The following MACROD2 variants were observed in gnomAD, a reference collection of about 807,000 sequenced individuals.
MACROD2 encodes mono-ADP ribosylhydrolase 2.
A neutral mutation model predicts 70.4 loss-of-function variants in MACROD2; 36 were observed. That is an observed-to-expected ratio of 0.51 (90% CI 0.39 to 0.68). The LOEUF is 0.68. Among genes scored for constraint, MACROD2 ranks in the 30% least tolerant of loss-of-function variants. The probability of loss-of-function intolerance (pLI) is 0.00; values close to 1 mark genes in which losing one functional copy is unlikely to be tolerated. For missense variants in MACROD2, 496 were observed against 538.4 expected (o/e 0.92, Z 0.78); for synonymous variants, 172 against 178.8 (o/e 0.96, Z 0.30).
At chr20:14,077,426 G>T (rs2053928664) in intron 2 of MACROD2, among the ~76,000 whole-genome samples, 1 of 152,188 alleles carries the variant, frequency 6.6e-6, no homozygotes, top group Non-Finnish European at 1.5e-5. Context: ...GCTAGTATGT[G>T]ACACAGTTTA....
rs554919929 is a variant in MACROD2 at position 15,950,243 on chromosome 20, A to G, written c.907+12699A>G. ...CATTAATATTTGAATTTAAAAATAA[A>G]TACTGTAATTTAAGAGTTTTTAAAA... On this transcript the variant is annotated intron_variant, in intron 12 of 17. Coordinates refer to ENST00000684519, the MANE Select transcript of MACROD2 (RefSeq NM_001351661.2). 2.0e-5 allele frequency among the ~76,000 whole-genome samples: 3 copies of G among 152,338 alleles called. No individual in the cohort carries two copies. The East Asian group carries it at 5.8e-4, about 29-fold the overall frequency.
chr20:15,126,252 G>A lies in MACROD2; in HGVS notation c.419-103688G>A, dbSNP rs184040730. ...TTGCTGGGTCACATAGTAATTTTAT[G>A]TTTAATTTTACAAGGAACCACTAAA... On this transcript the variant is annotated intron_variant, in intron 5 of 17. Coordinates refer to ENST00000684519, the MANE Select transcript of MACROD2 (RefSeq NM_001351661.2). 2.7e-5 allele frequency among the ~76,000 whole-genome samples: 4 copies of A among 150,352 alleles called. No individual in the cohort carries two copies. The East Asian group carries it at 5.9e-4, about 22-fold the overall frequency.
intron 10 of MACROD2, among the ~76,000 whole-genome samples, chr20:15,932,210 CCTCT>C (rs1415899565): frequency 2.6e-5 from 4 of 152,114 alleles, no homozygotes; most frequent in African/African-American, 9.7e-5. Flanking sequence ...ATCTTTTCTC[CCTCT>C]CTCCATGTGT....
At chr20:14,283,621 A>C (rs1378424479) in intron 3 of MACROD2, among the ~76,000 whole-genome samples, 1 of 152,170 alleles carries the variant, frequency 6.6e-6, no homozygotes, top group Non-Finnish European at 1.5e-5. Flanking sequence ...CATGAAATAA[A>C]AATTTGTTTT....
chr20:14,533,132 A>C (rs930149582), intron 4 of MACROD2, among the ~76,000 whole-genome samples: 6 of 151,014 alleles, frequency 4.0e-5, no homozygotes, highest in African/African-American at 1.2e-4. Context: ...GTCTACCTAA[A>C]GCCTGGAGGA....
intron 8 of MACROD2, among the ~76,000 whole-genome samples, chr20:15,788,720 G>A (rs1290454019): frequency 6.6e-6 from 1 of 152,126 alleles, no homozygotes; most frequent in Admixed American, 6.5e-5. Flanking sequence ...ATTTTAATAG[G>A]TATGCAGTCA....
In MACROD2 at chr20:14,218,917, G is replaced by C. The variant is rs114241626; in HGVS notation, c.271+133189G>C. 7.5e-3 allele frequency among the ~76,000 whole-genome samples: 1,147 copies of C among 152,288 alleles called. 17 individuals carry two copies. Among genetic ancestry groups the C allele is most frequent in the African/African-American group, 0.026 (1,061 of 41,554 alleles). On this transcript the variant is annotated intron_variant, in intron 3 of 17. Transcript: ENST00000684519. ...TGGGAAATCTGCTGTTAATCTGATAGGTGTTTCTTTATAGGTTACCTGGTC... is the reference window on the plus strand; with the variant it reads ...TGGGAAATCTGCTGTTAATCTGATACGTGTTTCTTTATAGGTTACCTGGTC...
chr20:14,208,886 G>T (rs1421200792), intron 3 of MACROD2, among the ~76,000 whole-genome samples: 1 of 152,194 alleles, frequency 6.6e-6, no homozygotes, highest in Non-Finnish European at 1.5e-5. Flanking sequence ...TCTCCTAAAA[G>T]TAGAAGAAAA....
At chr20:14,186,516 G>C (rs754949688) in intron 3 of MACROD2, among the ~76,000 whole-genome samples, 102 of 152,132 alleles carry the variant, frequency 6.7e-4, no homozygotes, top group Non-Finnish European at 1.1e-3. Flanking sequence ...ATGTAAATTT[G>C]TTCAGCCATT....
intron 6 of MACROD2, among the ~76,000 whole-genome samples, chr20:15,354,508 A>G (rs534896315): frequency 6.6e-6 from 1 of 152,322 alleles, no homozygotes; most frequent in East Asian, 1.9e-4. Flanking sequence ...AATAAACAAA[A>G]TACACTCATT....
chr20:14,468,746 G>A lies in MACROD2; in HGVS notation c.272-24733G>A, dbSNP rs141488860. Among the ~76,000 whole-genome samples the A allele has an allele frequency of 1.2e-3, 181 of 152,168 alleles. 2 individuals carry two copies. The highest frequency in any genetic ancestry group is 4.1e-3 in the African/African-American group (169 of 41,466). On this transcript the variant is annotated intron_variant, in intron 3 of 17. Coordinates refer to ENST00000684519, the MANE Select transcript of MACROD2 (RefSeq NM_001351661.2). ...AGGCTGGTCTTGAACTCTAGACCTT[G>A]TGATCCACCCGCCTTGGCCTCCCAA...
At chr20:15,198,897 C>T (rs778279314) in intron 5 of MACROD2, among the ~76,000 whole-genome samples, 9 of 151,842 alleles carry the variant, frequency 5.9e-5, no homozygotes, top group Non-Finnish European at 4.4e-5. Flanking sequence ...TGACTGGGTT[C>T]GAGTTTCATA....
At chr20:16,016,893 A>C (rs1310464275) in intron 15 of MACROD2, among the ~76,000 whole-genome samples, 1 of 152,184 alleles carries the variant, frequency 6.6e-6, no homozygotes, top group Admixed American at 6.5e-5. Flanking sequence ...TATCCCAAAC[A>C]TCCAATTCAT....
At position 13,995,687 on chromosome 20, in the gene MACROD2, C is replaced by CCA; in HGVS notation, c.-77_-76insCA. 1.7e-6 allele frequency: 2 copies of CCA among 1,164,990 alleles called. No individual in the cohort carries two copies. The highest frequency in any genetic ancestry group is 3.0e-5 in the African/African-American group (2 of 66,046). The allele number at this position is 1,164,990 out of a possible 1,614,324, so 72.2% of individuals were successfully genotyped here. A position where few individuals can be genotyped will look rare whatever the true frequency, so the allele number is the denominator to read the frequency against. ...CCCTGCTGAGTGCCCCCTCCCACCC[C>CCA]TCCCACTCCACACACACCCTGTTTG... On this transcript the variant is annotated 5_prime_UTR_variant, in exon 1 of 18. Transcript: ENST00000684519. The surrounding 1 kb of genome is among the most constrained non-coding windows in gnomAD (Gnocchi z 4.3).
chr20:15,553,042 A>G (rs894835307), intron 8 of MACROD2, among the ~76,000 whole-genome samples: 1 of 152,222 alleles, frequency 6.6e-6, no homozygotes, highest in Non-Finnish European at 1.5e-5. Flanking sequence ...AAGTGTAATT[A>G]TATGTTGTTG....
intron 2 of MACROD2, among the ~76,000 whole-genome samples, chr20:14,064,671 A>G (rs1269410360): frequency 6.6e-6 from 1 of 152,176 alleles, no homozygotes; most frequent in Non-Finnish European, 1.5e-5. Flanking sequence ...GAGCTTCCTC[A>G]GAGATCTGTG....
intron 10 of MACROD2, among the ~76,000 whole-genome samples, chr20:15,905,696 C>T (rs1035207856): frequency 2.0e-5 from 3 of 152,120 alleles, no homozygotes; most frequent in Non-Finnish European, 4.4e-5. Flanking sequence ...TTTCATGTTA[C>T]GATTTTGTAG....
intron 5 of MACROD2, among the ~76,000 whole-genome samples, chr20:14,908,607 G>A (rs2073988901): frequency 6.6e-6 from 1 of 151,860 alleles, no homozygotes; most frequent in Non-Finnish European, 1.5e-5. Flanking sequence ...AGGTTGCAGT[G>A]AGCTGAGACC....
At chr20:15,258,894 G>T (rs944447490) in intron 6 of MACROD2, among the ~76,000 whole-genome samples, 11 of 151,992 alleles carry the variant, frequency 7.2e-5, no homozygotes, top group African/African-American at 2.7e-4. Flanking sequence ...GGAAAATTAA[G>T]ATAAGATTGC....
Sources: gnomAD v4.1 joint callset for allele counts (sites outside exome capture counted in the v4.1 genomes callset) on GRCh38, gnomAD v4.1.1 for gene constraint, Gnocchi (gnomAD v3.1) non-coding constraint, MANE v1.5 for transcripts, NCBI Gene and HGNC (gene_info 2026-07-23, HGNC 2026-07-21) for gene names.